FSTL5: variants seen among roughly 807,000 people sequenced by gnomAD.
FSTL5 encodes follistatin-related protein 5.
FSTL5 carries 62 observed loss-of-function variants against 89.1 expected under a neutral mutation model. The observed-to-expected ratio is 0.70, with a 90% CI of 0.57 to 0.86. The LOEUF is 0.86. FSTL5 is among the 40% of genes least tolerant of loss of function. The pLI is 0.00. For missense variants in FSTL5, 1,057 were observed against 1,001.6 expected, an observed-to-expected ratio of 1.06 and a Z score of -0.75; for synonymous variants, 383 against 346.2, an observed-to-expected ratio of 1.11 and a Z score of -1.18.
chr4:161,676,001 A>G (rs1737287951), intron 6 of FSTL5, among the ~76,000 whole-genome samples: 1 of 152,148 alleles, frequency 6.6e-6, no homozygotes, highest in Non-Finnish European at 1.5e-5. Flanking sequence ...CACATCAGAT[A>G]AGTGCAAGCT....
At chr4:161,476,097 T>C (rs1734126382) in intron 13 of FSTL5, among the ~76,000 whole-genome samples, 1 of 144,632 alleles carries the variant, frequency 6.9e-6, no homozygotes, top group African/African-American at 2.5e-5. Context: ...CTTTTTTTTT[T>C]TGAAGACTAA....
chr4:161,534,190 C>T (rs1731516545), intron 10 of FSTL5, among the ~76,000 whole-genome samples: 1 of 152,096 alleles, frequency 6.6e-6, no homozygotes, highest in Non-Finnish European at 1.5e-5. Flanking sequence ...TGCCCACTCT[C>T]ACTACTCCTA....
intron 2 of FSTL5, among the ~76,000 whole-genome samples, chr4:162,052,248 C>T (rs1738401245): frequency 2.0e-5 from 3 of 151,034 alleles, no homozygotes; most frequent in Admixed American, 2.0e-4. Flanking sequence ...ATAAAACTTA[C>T]ATTAATGAGT....
intron 3 of FSTL5, among the ~76,000 whole-genome samples, chr4:161,988,681 A>G (rs909097813): frequency 1.3e-5 from 2 of 152,170 alleles, no homozygotes; most frequent in African/African-American, 2.4e-5. Context: ...TGAGCAAAGA[A>G]GTTATTTCTC....
rs536322082 is a variant in FSTL5, at chr4:161,985,162, G to C, written c.160+48463C>G. On this transcript the variant is annotated intron_variant, in intron 3 of 15. Transcript: ENST00000306100. ...AGTGAAGGTGGGATTTCACCTCTCTGAGTAATTCTTATATTTACCCAAGAT... is the reference window on the plus strand; with the variant it reads ...AGTGAAGGTGGGATTTCACCTCTCTCAGTAATTCTTATATTTACCCAAGAT... Among the ~76,000 whole-genome samples the C allele has an allele frequency of 9.9e-5, 15 of 151,938 alleles. No homozygotes were observed. The South Asian group carries it at 2.9e-3, about 29-fold the overall frequency.
chr4:162,024,681 A>G (rs921519895), intron 3 of FSTL5, among the ~76,000 whole-genome samples: 8 of 152,084 alleles, frequency 5.3e-5, no homozygotes, highest in African/African-American at 1.7e-4. Flanking sequence ...TTTATTTTAG[A>G]GACAGGGTCA....
intron 5 of FSTL5, among the ~76,000 whole-genome samples, chr4:161,762,456 C>A (rs1436786457): frequency 6.6e-6 from 1 of 152,130 alleles, no homozygotes; most frequent in Admixed American, 6.5e-5. Flanking sequence ...CTGTAGACTT[C>A]TCAAAAGGCA....
chr4:161,689,121 A>G (rs371476745), intron 6 of FSTL5, among the ~76,000 whole-genome samples: 2 of 152,312 alleles, frequency 1.3e-5, no homozygotes, highest in East Asian at 3.9e-4. Flanking sequence ...GACTATGGAA[A>G]GAGGGAGGTA....
At chr4:162,141,151 C>T (rs1458379847) in intron 1 of FSTL5, among the ~76,000 whole-genome samples, 1 of 59,770 alleles carries the variant, frequency 1.7e-5, no homozygotes, top group Non-Finnish European at 3.2e-5. Context: ...GAGTTTCGCT[C>T]TGTCGCCCAG....
chr4:161,836,316 A>AGGGGGGGGGGGGGGGGGGGGGGGGGG (rs1348650188), intron 4 of FSTL5, among the ~76,000 whole-genome samples: 1 of 89,276 alleles, frequency 1.1e-5, no homozygotes, highest in Admixed American at 1.5e-4. Flanking sequence ...GGGTGGGGGG[A>AGGGGGGGGGGGGGGGGGGGGGGGGGG]GGGGGAAGGG....
At chr4:161,419,500 T>C (rs1731909980) in intron 15 of FSTL5, among the ~76,000 whole-genome samples, 1 of 152,210 alleles carries the variant, frequency 6.6e-6, no homozygotes, top group African/African-American at 2.4e-5. Flanking sequence ...GACTACCATG[T>C]CCTTAAGGAA....
intron 13 of FSTL5, among the ~76,000 whole-genome samples, chr4:161,476,186 TTTG>T (rs1204301079): frequency 1.8e-5 from 2 of 108,822 alleles, no homozygotes; most frequent in South Asian, 3.5e-4. Flanking sequence ...TTTTTTTTTT[TTTG>T]TTTGTTTGTT....
intron 13 of FSTL5, among the ~76,000 whole-genome samples, chr4:161,469,590 A>C (rs1276703440): frequency 6.6e-6 from 1 of 151,864 alleles, no homozygotes; most frequent in Non-Finnish European, 1.5e-5. Flanking sequence ...CTATATGTAT[A>C]ACGTCTTTGA....
chr4:161,789,350 G>C (rs1296318796), intron 4 of FSTL5, among the ~76,000 whole-genome samples: 4 of 152,112 alleles, frequency 2.6e-5, no homozygotes, highest in African/African-American at 4.8e-5. Context: ...ATTATTTATA[G>C]CATGGCTTTC....
intron 6 of FSTL5, among the ~76,000 whole-genome samples, chr4:161,669,855 T>C (rs1205091046): frequency 6.6e-6 from 1 of 152,096 alleles, no homozygotes; most frequent in Admixed American, 6.5e-5. Context: ...GTGTTTATAC[T>C]TTGGTTATAT....
intron 8 of FSTL5, among the ~76,000 whole-genome samples, chr4:161,552,333 C>A (rs973472646): frequency 4.0e-5 from 6 of 151,754 alleles, no homozygotes; most frequent in African/African-American, 1.5e-4. Context: ...TTGTAAGCAT[C>A]AATTCTTCTT....
chr4:161,823,748 G>C (rs1182830151), intron 4 of FSTL5, among the ~76,000 whole-genome samples: 1 of 152,200 alleles, frequency 6.6e-6, no homozygotes, highest in Non-Finnish European at 1.5e-5. Context: ...TGCAGCTGCT[G>C]TCTTCACATC....
chr4:162,022,521 A>G (rs1416058279), intron 3 of FSTL5, among the ~76,000 whole-genome samples: 1 of 152,164 alleles, frequency 6.6e-6, no homozygotes, highest in African/African-American at 2.4e-5. Flanking sequence ...TTGCCATATA[A>G]AGAAAAAAAT....
At chr4:161,724,595 C>T (rs1052654331) in intron 6 of FSTL5, among the ~76,000 whole-genome samples, 1 of 152,126 alleles carries the variant, frequency 6.6e-6, no homozygotes, top group Non-Finnish European at 1.5e-5. Flanking sequence ...TATATCTTCA[C>T]GTTTGTTTGA....
Sources: allele counts gnomAD v4.1 joint callset (sites outside exome capture counted in the v4.1 genomes callset), GRCh38; gene constraint gnomAD v4.1.1; transcripts MANE v1.5; gene names NCBI Gene and HGNC (gene_info 2026-07-23, HGNC 2026-07-21).